The following ARHGAP6 variants were observed in gnomAD, a reference collection of about 807,000 sequenced individuals.
ARHGAP6 encodes the protein Rho GTPase activating protein 6.
Under a neutral mutation model 55.7 loss-of-function variants are expected in ARHGAP6, and 16 were observed. The ratio of observed to expected loss-of-function variants is 0.29; its 90% confidence interval spans 0.19 to 0.44. The LOEUF (loss-of-function observed/expected upper bound fraction) is 0.44, where lower values mean the gene tolerates loss of function less well. ARHGAP6 is among the 20% of genes least tolerant of loss of function. ARHGAP6 has a pLI of 1.00. For missense variants in ARHGAP6, 698 were observed against 808.9 expected, an observed-to-expected ratio of 0.86 and a Z score of 1.66; for synonymous variants, 382 against 360.9, an observed-to-expected ratio of 1.06 and a Z score of -0.66.
In ARHGAP6 at chrX:11,276,638, A is replaced by G. The variant is rs1376867993; in HGVS notation, c.589-21931T>C. Among the ~76,000 whole-genome samples the G allele has an allele frequency of 4.5e-5, 5 of 111,633 alleles. No individual in the cohort carries two copies. In the East Asian group the frequency reaches 1.4e-3, roughly 31 times the overall value. On this transcript the variant is annotated intron_variant, in intron 1 of 12. Transcript: ENST00000337414. ...CACCAAATGCAGGTATGACGTGAAA[A>G]CAAGCCATCTGCACTTACTGGTTCA...
intron 2 of ARHGAP6, among the ~76,000 whole-genome samples, chrX:11,232,426 G>A (rs755438226): frequency 1.0e-4 from 11 of 110,205 alleles, no homozygotes; most frequent in Non-Finnish European, 1.9e-4. Flanking sequence ...TTCGAGACCA[G>A]CCTGGCCAAC....
chrX:11,543,201 C>T (rs980512261), intron 1 of ARHGAP6, among the ~76,000 whole-genome samples: 4 of 112,682 alleles, frequency 3.5e-5, no homozygotes, highest in Non-Finnish European at 7.5e-5. Flanking sequence ...CCCCTTAGAG[C>T]TTCTGTTCTA....
At chrX:11,634,074 C>CT (rs2052390292) in intron 1 of ARHGAP6, among the ~76,000 whole-genome samples, 1 of 103,759 alleles carries the variant, frequency 9.6e-6, no homozygotes, top group African/African-American at 3.6e-5. Flanking sequence ...ATGTGCTTGG[C>CT]TATTTTTTTT....
intron 1 of ARHGAP6, among the ~76,000 whole-genome samples, chrX:11,487,992 A>G (rs933738741): frequency 1.8e-5 from 2 of 112,611 alleles, no homozygotes; most frequent in Non-Finnish European, 3.8e-5. Flanking sequence ...TATCAAAAAC[A>G]TATAACTTGA....
intron 1 of ARHGAP6, among the ~76,000 whole-genome samples, chrX:11,498,279 C>T (rs1284553671): frequency 8.9e-6 from 1 of 111,880 alleles, no homozygotes; most frequent in East Asian, 2.8e-4. Flanking sequence ...TGGAATCTTC[C>T]ACCTTAATAG....
intron 2 of ARHGAP6, among the ~76,000 whole-genome samples, chrX:11,214,638 C>T (rs938730783): frequency 1.2e-4 from 14 of 113,481 alleles, no homozygotes; most frequent in African/African-American, 4.1e-4. Flanking sequence ...GCCACCCTCT[C>T]CCTGAGTCCA....
intron 1 of ARHGAP6, among the ~76,000 whole-genome samples, chrX:11,587,526 A>C (rs2051749494): frequency 8.9e-6 from 1 of 111,842 alleles, no homozygotes; most frequent in African/African-American, 3.2e-5. Context: ...AGCAAGGAAG[A>C]CTAGCGAGAC....
intron 2 of ARHGAP6, among the ~76,000 whole-genome samples, chrX:11,247,934 T>G (rs935330860): frequency 8.9e-6 from 1 of 111,831 alleles, no homozygotes; most frequent in Non-Finnish European, 1.9e-5. Flanking sequence ...CATGCTTGCC[T>G]CCATGGAGTA....
chrX:11,548,633 T>C (rs1362508006), intron 1 of ARHGAP6, among the ~76,000 whole-genome samples: 1 of 111,323 alleles, frequency 9.0e-6, no homozygotes, highest in Admixed American at 9.5e-5. Context: ...TTTTTTTTAT[T>C]GAGATAGAGT....
rs780686126 is a variant in ARHGAP6, at chrX:11,152,083, G to GCATA, written c.1907+4442_1907+4445dup. On this transcript the variant is annotated intron_variant, in intron 10 of 12. Transcript: ENST00000337414. The stretch of plus-strand genomic sequence containing the variant: ...TGATATACCAGACTATACACTAAGA[G>GCATA]CATAATTCTGTATTTAAGTTGGTGC... 1.7e-4 allele frequency among the ~76,000 whole-genome samples: 19 copies of GCATA among 112,070 alleles called. No individual in the cohort carries two copies. In the East Asian group the frequency reaches 5.3e-3, roughly 31 times the overall value.
intron 1 of ARHGAP6, among the ~76,000 whole-genome samples, chrX:11,422,034 G>A (rs1302245194): frequency 8.9e-6 from 1 of 111,781 alleles, no homozygotes; most frequent in African/African-American, 3.3e-5. Flanking sequence ...TAAGGCAGTG[G>A]AAAGACAGTG....
intron 1 of ARHGAP6, among the ~76,000 whole-genome samples, chrX:11,598,967 A>G (rs2051937507): frequency 9.0e-6 from 1 of 111,171 alleles, no homozygotes; most frequent in African/African-American, 3.3e-5. Context: ...CTTAGATGGG[A>G]GAATTGCTTG....
chrX:11,443,647 T>A (rs191403360), intron 1 of ARHGAP6, among the ~76,000 whole-genome samples: 5 of 112,646 alleles, frequency 4.4e-5, no homozygotes, highest in Admixed American at 3.7e-4. Flanking sequence ...TAACATTTCC[T>A]ACCAGGTGCG....
intron 2 of ARHGAP6, among the ~76,000 whole-genome samples, chrX:11,215,513 G>T (rs1824441627): frequency 8.8e-6 from 1 of 113,105 alleles, no homozygotes; most frequent in Admixed American, 9.2e-5. Flanking sequence ...ACTCGGGGCG[G>T]GCCAGCCCCA....
chrX:11,340,232 G>T (rs2048686249), intron 1 of ARHGAP6, among the ~76,000 whole-genome samples: 1 of 111,816 alleles, frequency 8.9e-6, no homozygotes, highest in Admixed American at 9.5e-5. Context: ...CCTTAGTGAA[G>T]CTCTGCCTAT....
chrX:11,524,784 G>T (rs762369232), intron 1 of ARHGAP6, among the ~76,000 whole-genome samples: 16 of 111,062 alleles, frequency 1.4e-4, no homozygotes, highest in Non-Finnish European at 2.8e-4. Flanking sequence ...TTATTCCATT[G>T]TAATATATAA....
At chrX:11,507,265 G>C (rs768012110) in intron 1 of ARHGAP6, among the ~76,000 whole-genome samples, 1 of 108,568 alleles carries the variant, frequency 9.2e-6, no homozygotes, top group South Asian at 4.1e-4. Flanking sequence ...CTTTGCAGGG[G>C]GACTCCTTTC....
intron 1 of ARHGAP6, among the ~76,000 whole-genome samples, chrX:11,320,004 G>C (rs1294294031): frequency 1.8e-5 from 2 of 111,852 alleles, no homozygotes; most frequent in Non-Finnish European, 3.8e-5. Flanking sequence ...TTTTTTTCAG[G>C]TCTACAATCA....
chrX:11,140,417 CA>C (rs1211125181), intron 12 of ARHGAP6, among the ~76,000 whole-genome samples: 923 of 41,414 alleles, frequency 0.022, 20 homozygotes, highest in African/African-American at 0.079. Flanking sequence ...GACTCCGTCA[CA>C]AAAAAAAAAA....
Sources: allele counts gnomAD v4.1 joint callset (sites outside exome capture counted in the v4.1 genomes callset), GRCh38; gene constraint gnomAD v4.1.1; transcripts MANE v1.5; gene names NCBI Gene and HGNC (gene_info 2026-07-23, HGNC 2026-07-21).